UBE2E1: variants seen among roughly 807,000 people sequenced by gnomAD.
The protein encoded by UBE2E1 is ubiquitin conjugating enzyme E2 E1.
In UBE2E1, 6 loss-of-function variants were observed where a neutral mutation model predicts 21.4. The ratio of observed to expected loss-of-function variants is 0.28; its 90% CI spans 0.15 to 0.55. The LOEUF (loss-of-function observed/expected upper bound fraction) is 0.55, where lower values mean the gene tolerates loss of function less well. Among genes scored for constraint, UBE2E1 ranks in the 20% least tolerant of loss-of-function variants. The pLI is 0.93. For missense variants in UBE2E1, 142 were observed against 236.5 expected (o/e 0.60, Z 2.62); for synonymous variants, 87 against 82.7 (o/e 1.05, Z -0.28).
intron 3 of UBE2E1, among the ~76,000 whole-genome samples, chr3:23,819,825 A>C (rs1699608447): frequency 2.0e-5 from 3 of 152,208 alleles, no homozygotes; most frequent in African/African-American, 4.8e-5. Flanking sequence ...TCTGGACGTC[A>C]GTGTGGCAAA....
In UBE2E1 at chr3:23,808,099, C is replaced by G. The variant is rs189758186; in HGVS notation, c.152+678C>G. Among the ~76,000 whole-genome samples the G allele has an allele frequency of 1.1e-3, 164 of 152,228 alleles. 1 individual carries two copies. The highest frequency in any genetic ancestry group is 3.8e-3 in the African/African-American group (157 of 41,524). On this transcript the variant is annotated intron_variant, in intron 2 of 5. Coordinates refer to ENST00000306627, the MANE Select transcript of UBE2E1 (RefSeq NM_003341.5). This position sits in a 1 kb window ranked among gnomAD's most constrained non-coding sequence, Gnocchi z 4.9. ...TCTTTTTTTCATGCTATTTGCTGTC[C>G]TCATGCTGTGAAAATGTTACTTTGC...
At chr3:23,873,037 A>T (rs866338067) in intron 3 of UBE2E1, among the ~76,000 whole-genome samples, 26 of 152,132 alleles carry the variant, frequency 1.7e-4, no homozygotes, top group African/African-American at 5.1e-4. Context: ...AAATTAACCT[A>T]GAAGACTGGT....
In UBE2E1 at chr3:23,810,574, G is replaced by A; in HGVS notation, c.153-886G>A. On this transcript the variant is annotated intron_variant, in intron 2 of 5. Transcript: ENST00000306627. This position sits in a 1 kb window ranked among gnomAD's most constrained non-coding sequence, Gnocchi z 5.8. The stretch of plus-strand genomic sequence containing the variant: ...AGTCCCGGCCAGCGTGCGGGGCGGA[G>A]GCAGGGTCCGGTGCACCTGTGCGGC... The A allele has an allele frequency of 1.3e-6, 2 of 1,508,986 alleles. No individual in the cohort carries two copies. Among genetic ancestry groups the A allele is most frequent in the Non-Finnish European group, 8.9e-7 (1 of 1,128,778 alleles). The allele number at this position is 1,508,986 out of a possible 1,614,324, so 93.5% of individuals were successfully genotyped here. A position where few individuals can be genotyped will look rare whatever the true frequency, so the allele number is the denominator to read the frequency against.
rs1291833179 is a variant in UBE2E1 at position 23,810,800 on chromosome 3, C to A, written c.153-660C>A. 2.8e-5 allele frequency: 6 copies of A among 211,188 alleles called. No individual in the cohort carries two copies. Among genetic ancestry groups the A allele is most frequent in the Admixed American group, 6.0e-5 (1 of 16,710 alleles). 13.1% of individuals were successfully genotyped at this position (211,188 alleles called of 1,614,324 possible). On this transcript the variant is annotated intron_variant, in intron 2 of 5. Coordinates refer to ENST00000306627, the MANE Select transcript of UBE2E1 (RefSeq NM_003341.5). This position sits in a 1 kb window ranked among gnomAD's most constrained non-coding sequence, Gnocchi z 5.8. ...GGCGCGGCGCGAGCCGTCGGGGGCG[C>A]GCGCGGGGTGGGGGCGGCGTGGCCG... is the stretch of plus-strand genomic sequence containing the variant.
At chr3:23,873,639 G>A (rs1167545749) in intron 3 of UBE2E1, among the ~76,000 whole-genome samples, 2 of 152,020 alleles carry the variant, frequency 1.3e-5, no homozygotes, top group African/African-American at 2.4e-5. Context: ...CCAGCTACTC[G>A]GGAGGCTGAG....
intron 3 of UBE2E1, among the ~76,000 whole-genome samples, chr3:23,835,614 A>G (rs895183081): frequency 8.1e-5 from 5 of 61,698 alleles, no homozygotes; most frequent in Non-Finnish European, 1.4e-4. Context: ...AAAGTAATGT[A>G]TACGTTTTAA....
chr3:23,837,551 T>C (rs1013553656), intron 3 of UBE2E1, among the ~76,000 whole-genome samples: 3 of 152,244 alleles, frequency 2.0e-5, no homozygotes, highest in African/African-American at 7.2e-5. Flanking sequence ...CAACTTGCTA[T>C]GTGTTTTTAT....
intron 2 of UBE2E1, 145 bp downstream of exon 2, chr3:23,807,566 A>G (rs1699305780): frequency 5.9e-6 from 6 of 1,010,100 alleles, no homozygotes; most frequent in Non-Finnish European, 8.1e-6. Context: ...TGGAAGCCCT[A>G]ATTATTTTCT....
At chr3:23,889,719 G>T (rs968681716) in intron 5 of UBE2E1, 1 of 985,164 alleles carries the variant, frequency 1.0e-6, no homozygotes, top group Non-Finnish European at 1.2e-6. Context: ...AGTGACTATT[G>T]AATTGTGACT....
chr3:23,855,920 G>C (rs982464798), intron 3 of UBE2E1, among the ~76,000 whole-genome samples: 1 of 152,316 alleles, frequency 6.6e-6, no homozygotes, highest in South Asian at 2.1e-4. Flanking sequence ...GTTCAGTTCC[G>C]TGAGGTGTGG....
At chr3:23,822,182 C>G (rs546750806) in intron 3 of UBE2E1, among the ~76,000 whole-genome samples, 31 of 152,242 alleles carry the variant, frequency 2.0e-4, no homozygotes, top group African/African-American at 7.5e-4. Flanking sequence ...AGATGAAGAC[C>G]AGCAAGTAAC....
At chr3:23,889,393 G>T (rs766100476) in intron 5 of UBE2E1, 134 bp downstream of exon 5, 2 of 1,510,802 alleles carry the variant, frequency 1.3e-6, no homozygotes, top group East Asian at 4.8e-5. Context: ...CTTTTCAAAA[G>T]AAAGTTTTAA....
chr3:23,850,147 A>C (rs1362406929), intron 3 of UBE2E1, among the ~76,000 whole-genome samples: 2 of 152,134 alleles, frequency 1.3e-5, no homozygotes, highest in Non-Finnish European at 2.9e-5. Flanking sequence ...GCTGAATTTT[A>C]AAAGTTCTTA....
intron 3 of UBE2E1, among the ~76,000 whole-genome samples, chr3:23,846,325 G>C (rs544377131): frequency 6.6e-6 from 1 of 152,248 alleles, no homozygotes; most frequent in African/African-American, 2.4e-5. Context: ...CTACTTGGGA[G>C]GCTTGAGGTA....
At chr3:23,874,733 C>G (rs959848353) in intron 3 of UBE2E1, among the ~76,000 whole-genome samples, 1 of 152,182 alleles carries the variant, frequency 6.6e-6, no homozygotes, top group Non-Finnish European at 1.5e-5. Context: ...ATTGTTGGAT[C>G]CACCTTTATC....
intron 3 of UBE2E1, among the ~76,000 whole-genome samples, chr3:23,817,666 G>A (rs747372965): frequency 6.6e-6 from 1 of 152,142 alleles, no homozygotes; most frequent in Non-Finnish European, 1.5e-5. Context: ...TCATGGAAGA[G>A]GTGAGAAGTG....
At position 23,876,883 on chromosome 3, in the gene UBE2E1, A is replaced by G. The variant is rs183681896; in HGVS notation, c.204-10684A>G. Reference sequence around the variant, plus strand: ...ACCTAGCAAGACCCTGTCTCTAAAAAAAATTTAAAAATTAGCCAGGTGTGG... The same window carrying G: ...ACCTAGCAAGACCCTGTCTCTAAAAGAAATTTAAAAATTAGCCAGGTGTGG... On this transcript the variant is annotated intron_variant, in intron 3 of 5. Coordinates refer to ENST00000306627, the MANE Select transcript of UBE2E1 (RefSeq NM_003341.5). This position sits in a 1 kb window ranked among gnomAD's most constrained non-coding sequence, Gnocchi z 4.3. Among the ~76,000 whole-genome samples the G allele has an allele frequency of 3.0e-3, 450 of 152,310 alleles. 1 individual carries two copies. Among genetic ancestry groups the G allele is most frequent in the African/African-American group, 0.01 (436 of 41,558 alleles).
chr3:23,889,325 C>T, intron 5 of UBE2E1, 66 bp downstream of exon 5: 6 of 1,605,832 alleles, frequency 3.7e-6, no homozygotes, highest in Non-Finnish European at 5.1e-6. Flanking sequence ...TTTCCAAAAG[C>T]TTTCAAAGGA....
chr3:23,812,414 C>T (rs948594744), intron 3 of UBE2E1, among the ~76,000 whole-genome samples: 1 of 152,114 alleles, frequency 6.6e-6, no homozygotes, highest in African/African-American at 2.4e-5. Flanking sequence ...AAGTATTCAG[C>T]GGCTATACAC....
Sources: gnomAD v4.1 joint callset for allele counts (sites outside exome capture counted in the v4.1 genomes callset) on GRCh38, gnomAD v4.1.1 for gene constraint, Gnocchi (gnomAD v3.1) non-coding constraint, MANE v1.5 for transcripts, NCBI Gene and HGNC (gene_info 2026-07-23, HGNC 2026-07-21) for gene names.